GRIA2: variants seen among roughly 807,000 people sequenced by gnomAD.
GRIA2 encodes glutamate receptor 2.
Under a neutral mutation model 97.3 loss-of-function variants are expected in GRIA2, and 14 were observed. That is an observed-to-expected ratio of 0.14 (90% CI 0.10 to 0.23). GRIA2 has a LOEUF of 0.23. Ranked by LOEUF, GRIA2 falls within the 10% of genes least tolerant of loss-of-function variation. GRIA2 has a pLI of 1.00. For missense variants in GRIA2, 558 were observed against 1,069.8 expected (o/e 0.52, Z 6.67); for synonymous variants, 412 against 387.8 (o/e 1.06, Z -0.73).
At chr4:157,220,658 G>C, upstream of GRIA2, 2 of 184,124 alleles carry the variant, frequency 1.1e-5, no homozygotes, top group Non-Finnish European at 2.2e-5. Flanking sequence ...GTGTATGTGT[G>C]TGTGTGTGTG....
chr4:157,315,780 C>T (rs1734291636), intron 4 of GRIA2, among the ~76,000 whole-genome samples: 1 of 152,104 alleles, frequency 6.6e-6, no homozygotes, highest in Non-Finnish European at 1.5e-5. Context: ...ACCTCATGAT[C>T]TGCCCGCCTT....
At chr4:157,302,576 T>C (rs892212421) in intron 2 of GRIA2, among the ~76,000 whole-genome samples, 2 of 152,140 alleles carry the variant, frequency 1.3e-5, no homozygotes, top group African/African-American at 2.4e-5. Context: ...TTGGAAATAA[T>C]TATAGTTCCT....
At chr4:157,291,725 A>C (rs942448452) in intron 2 of GRIA2, among the ~76,000 whole-genome samples, 1 of 152,004 alleles carries the variant, frequency 6.6e-6, no homozygotes, top group Non-Finnish European at 1.5e-5. Flanking sequence ...GCTAAGGAGA[A>C]ATAATTTCAC....
intron 12 of GRIA2, among the ~76,000 whole-genome samples, chr4:157,355,720 ATATATTTATT>A (rs1736245616): frequency 3.6e-5 from 4 of 110,180 alleles, no homozygotes; most frequent in African/African-American, 1.6e-4. Context: ...ATATTTATTT[ATATATTTATT>A]TATATATTTA....
At chr4:157,233,270 C>T (rs2126698218) in intron 2 of GRIA2, among the ~76,000 whole-genome samples, 1 of 152,214 alleles carries the variant, frequency 6.6e-6, no homozygotes, top group Middle Eastern at 3.4e-3. Context: ...TGAGGTGTTA[C>T]TCGAGTAGTA....
intron 6 of GRIA2, among the ~76,000 whole-genome samples, chr4:157,329,000 G>C (rs971228071): frequency 9.2e-5 from 14 of 151,764 alleles, no homozygotes; most frequent in African/African-American, 3.4e-4. Flanking sequence ...AGTTTCAAAG[G>C]GCACATATTC....
intron 2 of GRIA2, among the ~76,000 whole-genome samples, chr4:157,223,465 A>G (rs963001246): frequency 2.0e-5 from 3 of 152,216 alleles, no homozygotes; most frequent in Admixed American, 2.0e-4. Flanking sequence ...AGAATATCTC[A>G]GAAAATTTTA....
rs2126701721 is a variant in GRIA2, at chr4:157,234,741, T to G, written c.229+12934T>G. Among the ~76,000 whole-genome samples the G allele has an allele frequency of 2.0e-5, 3 of 152,204 alleles. 1 individual carries two copies. In the Middle Eastern group the frequency reaches 0.01, roughly 518 times the overall value. On this transcript the variant is annotated intron_variant, in intron 2 of 15. Transcript: ENST00000264426. ...GGTCACTATCATCTTTTTCACAAGTTTATTCCCCAGCACAGTATAAGGAGG... is the reference window on the plus strand; with the variant it reads ...GGTCACTATCATCTTTTTCACAAGTGTATTCCCCAGCACAGTATAAGGAGG...
At chr4:157,223,167 G>T (rs1273617100) in intron 2 of GRIA2, among the ~76,000 whole-genome samples, 3 of 152,102 alleles carry the variant, frequency 2.0e-5, no homozygotes, top group African/African-American at 4.8e-5. Flanking sequence ...CATATATTCC[G>T]TGATTTAGCT....
chr4:157,275,042 T>G (rs1314296493), intron 2 of GRIA2, among the ~76,000 whole-genome samples: 2 of 151,996 alleles, frequency 1.3e-5, no homozygotes, highest in Non-Finnish European at 2.9e-5. Context: ...GTTTCCTGAC[T>G]TTTTAATGAT....
chr4:157,361,798 G>T lies in GRIA2; in HGVS notation c.2406+674G>T, dbSNP rs1736642814. On this transcript the variant is annotated intron_variant, in intron 14 of 15. Transcript: ENST00000264426. The surrounding 1 kb of genome is among the most constrained non-coding windows in gnomAD (Gnocchi z 5.2). ...GATGCATAATTTGGTAAGATGTTTTGGTAATGCCTGCAGAGTTACTGATTT... is the reference window on the plus strand; with the variant it reads ...GATGCATAATTTGGTAAGATGTTTTTGTAATGCCTGCAGAGTTACTGATTT... 1.7e-6 allele frequency: 1 copy of T among 605,798 alleles called. No individual in the cohort carries two copies. Among genetic ancestry groups the T allele is most frequent in the South Asian group, 2.1e-5 (1 of 46,968 alleles). 37.5% of individuals were successfully genotyped at this position (605,798 alleles called of 1,614,324 possible).
intron 2 of GRIA2, among the ~76,000 whole-genome samples, chr4:157,275,372 A>G (rs1292068954): frequency 1.3e-5 from 2 of 152,152 alleles, no homozygotes; most frequent in Non-Finnish European, 2.9e-5. Context: ...CTTTAGTTTA[A>G]TTAGATCCCA....
intron 2 of GRIA2, among the ~76,000 whole-genome samples, chr4:157,234,221 CA>C (rs1423494171): frequency 6.6e-6 from 1 of 151,978 alleles, no homozygotes; most frequent in Non-Finnish European, 1.5e-5. Flanking sequence ...CTGCTAATTT[CA>C]GTGATTCCAA....
chr4:157,228,941 C>T (rs1729879803), intron 2 of GRIA2, among the ~76,000 whole-genome samples: 1 of 145,642 alleles, frequency 6.9e-6, no homozygotes, highest in African/African-American at 2.6e-5. Context: ...TGCCAAGCTT[C>T]AATTTTGGTT....
chr4:157,354,865 T>A (rs1002693410), intron 12 of GRIA2, among the ~76,000 whole-genome samples: 28 of 152,156 alleles, frequency 1.8e-4, no homozygotes, highest in African/African-American at 6.0e-4. Flanking sequence ...ACATGCTACA[T>A]ATGTCATATG....
intron 3 of GRIA2, among the ~76,000 whole-genome samples, chr4:157,308,356 A>G (rs1463161747): frequency 6.6e-6 from 1 of 152,252 alleles, no homozygotes; most frequent in Non-Finnish European, 1.5e-5. Flanking sequence ...ATTTAACATT[A>G]TGTAATCTAG....
At chr4:157,339,838 G>A (rs1326796210) in intron 11 of GRIA2, among the ~76,000 whole-genome samples, 4 of 151,778 alleles carry the variant, frequency 2.6e-5, no homozygotes, top group African/African-American at 9.7e-5. Context: ...GAGTGATTTT[G>A]TCTACATAAG....
intron 12 of GRIA2, among the ~76,000 whole-genome samples, chr4:157,350,073 G>A (rs1301565540): frequency 6.6e-6 from 1 of 151,986 alleles, no homozygotes; most frequent in Non-Finnish European, 1.5e-5. Flanking sequence ...AATCTATTCT[G>A]TTTTGTTTTC....
At chr4:157,302,749 A>G (rs1300195626) in intron 2 of GRIA2, among the ~76,000 whole-genome samples, 1 of 152,170 alleles carries the variant, frequency 6.6e-6, no homozygotes, top group Non-Finnish European at 1.5e-5. Context: ...TATTATAATG[A>G]GCACATAACT....
Sources: gnomAD v4.1 joint callset for allele counts (sites outside exome capture counted in the v4.1 genomes callset) on GRCh38, gnomAD v4.1.1 for gene constraint, Gnocchi (gnomAD v3.1) non-coding constraint, MANE v1.5 for transcripts, NCBI Gene and HGNC (gene_info 2026-07-23, HGNC 2026-07-21) for gene names.